The following UXS1 variants were observed in gnomAD, a reference collection of about 807,000 sequenced individuals.
UXS1 encodes the protein UDP-glucuronate decarboxylase 1.
In UXS1, 33 loss-of-function variants were observed where a neutral mutation model predicts 62.6. The observed-to-expected ratio is 0.53, with a 90% CI of 0.40 to 0.70. UXS1 has a LOEUF of 0.70. Ranked by LOEUF, UXS1 falls within the 30% of genes least tolerant of loss-of-function variation. The pLI, the probability that UXS1 is intolerant of heterozygous loss-of-function variation, is 0.00. For missense variants in UXS1, 434 were observed against 556.3 expected (o/e 0.78, Z 2.21); for synonymous variants, 213 against 206.8 (o/e 1.03, Z -0.26).
rs1399399000 is a variant in UXS1 at position 106,163,722 on chromosome 2, A to G, written c.187-12T>C. 4 of 1,419,192 alleles carry G rather than the reference A, an allele frequency of 2.8e-6. No individual in the cohort carries two copies. Among genetic ancestry groups the G allele is most frequent in the Non-Finnish European group, 3.7e-6 (4 of 1,076,002 alleles). The allele number at this position is 1,419,192 out of a possible 1,614,324, so 87.9% of individuals were successfully genotyped here. A position where few individuals can be genotyped will look rare whatever the true frequency, so the allele number is the denominator to read the frequency against. ...AGTGGTTCAACCATCTAGAACAATA[A>G]TAACAAAAATCAGTTTTAAAGCAAA... On this transcript the variant is annotated splice_polypyrimidine_tract_variant and intron_variant, in intron 3 of 14. Transcript: ENST00000283148.
At chr2:106,187,253 A>ACAGG (rs771982650) in intron 1 of UXS1, among the ~76,000 whole-genome samples, 45 of 152,280 alleles carry the variant, frequency 3.0e-4, no homozygotes, top group Non-Finnish European at 4.6e-4. Flanking sequence ...TCAGGCTCCT[A>ACAGG]CAGGCCTAGG....
At chr2:106,102,169 A>C (rs1338530781) in intron 11 of UXS1, 3 of 152,264 alleles carry the variant, frequency 2.0e-5, no homozygotes, top group Non-Finnish European at 2.9e-5. Flanking sequence ...AGGATCAAGC[A>C]CAAATGCAAA....
chr2:106,165,836 G>A (rs1395068340), intron 2 of UXS1, among the ~76,000 whole-genome samples: 1 of 152,026 alleles, frequency 6.6e-6, no homozygotes, highest in Non-Finnish European at 1.5e-5. Context: ...GCCGACCATT[G>A]TTTTACTTGT....
At chr2:106,168,440 C>T (rs1269103989) in intron 1 of UXS1, among the ~76,000 whole-genome samples, 1 of 152,210 alleles carries the variant, frequency 6.6e-6, no homozygotes, top group Non-Finnish European at 1.5e-5. Context: ...GCCCTCAGAA[C>T]TGACCTCTCT....
intron 8 of UXS1, among the ~76,000 whole-genome samples, chr2:106,125,135 C>A (rs1420448626): frequency 1.3e-5 from 2 of 152,138 alleles, no homozygotes; most frequent in Non-Finnish European, 2.9e-5. Flanking sequence ...CGTGGGTGTT[C>A]TGACACTACC....
At chr2:106,119,133 C>T (rs1222065760) in intron 9 of UXS1, among the ~76,000 whole-genome samples, 1 of 152,186 alleles carries the variant, frequency 6.6e-6, no homozygotes, top group Non-Finnish European at 1.5e-5. Flanking sequence ...GCTGAATCTC[C>T]CAGCTGAGAG....
At chr2:106,179,773 T>A (rs1176548188) in intron 1 of UXS1, among the ~76,000 whole-genome samples, 2 of 152,234 alleles carry the variant, frequency 1.3e-5, no homozygotes, top group Admixed American at 6.5e-5. Flanking sequence ...CAATGAGTTC[T>A]GTGCAACCAT....
Position 106,101,045 on chromosome 2 carries a change from G to C in UXS1, c.984+13C>G. The C allele has an allele frequency of 1.9e-6, 3 of 1,613,912 alleles. No individual in the cohort carries two copies. The highest frequency in any genetic ancestry group is 2.5e-6 in the Non-Finnish European group (3 of 1,179,864). Reference sequence around the variant, plus strand: ...TGAGCTGTCCTGCAGAGTGGAGGGAGAGGAGCACTCACCAGGTTGACCGGG... The same window carrying C: ...TGAGCTGTCCTGCAGAGTGGAGGGACAGGAGCACTCACCAGGTTGACCGGG... On this transcript the variant is annotated intron_variant, in intron 12 of 14. Coordinates refer to ENST00000283148, the MANE Select transcript of UXS1 (RefSeq NM_001253875.2).
Position 106,194,256 on chromosome 2 carries a change from C to G in UXS1, c.-15G>C, listed in dbSNP as rs1024065976. 9 of 1,366,976 alleles carry G rather than the reference C, an allele frequency of 6.6e-6. No homozygotes were observed. Among genetic ancestry groups the G allele is most frequent in the Non-Finnish European group, 6.7e-6 (7 of 1,046,748 alleles). 84.7% of individuals were successfully genotyped at this position (1,366,976 alleles called of 1,614,324 possible). On this transcript the variant is annotated 5_prime_UTR_variant, in exon 1 of 15. Coordinates refer to ENST00000283148, the MANE Select transcript of UXS1 (RefSeq NM_001253875.2). ...TTGCTCACCATCCCCGGGAGCCGCG[C>G]GGGTCCAGGGCCCTACCGCGCGGGG...
At chr2:106,152,187 C>T (rs1197351202) in intron 5 of UXS1, among the ~76,000 whole-genome samples, 1 of 152,136 alleles carries the variant, frequency 6.6e-6, no homozygotes, top group Non-Finnish European at 1.5e-5. Flanking sequence ...AACATGTATT[C>T]AAGAAAATAT....
intron 2 of UXS1, among the ~76,000 whole-genome samples, chr2:106,165,168 T>A (rs537787442): frequency 6.6e-6 from 1 of 152,340 alleles, no homozygotes; most frequent in South Asian, 2.1e-4. Context: ...TGGAGTCTTT[T>A]AAGTAAAACC....
At chr2:106,111,768 CT>C (rs1254067291) in intron 10 of UXS1, among the ~76,000 whole-genome samples, 2 of 152,224 alleles carry the variant, frequency 1.3e-5, no homozygotes, top group Non-Finnish European at 2.9e-5. Flanking sequence ...ATTCTTCCCC[CT>C]GGAATACACT....
chr2:106,119,229 C>G (rs538116603), intron 9 of UXS1, among the ~76,000 whole-genome samples: 1 of 152,302 alleles, frequency 6.6e-6, no homozygotes, highest in Admixed American at 6.5e-5. Flanking sequence ...GGAGCCTTGG[C>G]GCCTTTGGAC....
chr2:106,112,189 G>A (rs1343415008), intron 10 of UXS1, among the ~76,000 whole-genome samples: 1 of 152,222 alleles, frequency 6.6e-6, no homozygotes, highest in Non-Finnish European at 1.5e-5. Flanking sequence ...GTCTCCCTGG[G>A]TTGAGGGTGG....
chr2:106,166,273 T>G (rs566772114), intron 1 of UXS1, 190 bp from the exon 2 acceptor site: 2 of 575,238 alleles, frequency 3.5e-6, no homozygotes, highest in Non-Finnish European at 5.9e-6. Context: ...AACAGGATCG[T>G]AGAGTTTATT....
Position 106,192,422 on chromosome 2 carries a change from C to T in UXS1, c.94+1726G>A, listed in dbSNP as rs372815319. Among the ~76,000 whole-genome samples the T allele has an allele frequency of 2.0e-5, 3 of 152,068 alleles. No homozygotes were observed. In the East Asian group the frequency reaches 5.8e-4, roughly 29 times the overall value. Reference sequence around the variant, plus strand: ...ACAAAAAATTAGCCGGGCGTGGTGGCGGGTGCCTGTAGTCCCAGTTACTTG... The same window carrying T: ...ACAAAAAATTAGCCGGGCGTGGTGGTGGGTGCCTGTAGTCCCAGTTACTTG... On this transcript the variant is annotated intron_variant, in intron 1 of 14. Coordinates refer to ENST00000283148, the MANE Select transcript of UXS1 (RefSeq NM_001253875.2).
At chr2:106,138,828 C>G (rs1680867653) in intron 6 of UXS1, 1 of 985,364 alleles carries the variant, frequency 1.0e-6, no homozygotes, top group Non-Finnish European at 1.2e-6. Context: ...ACCCCCCTCT[C>G]CTTTGAGAAT....
At chr2:106,107,257 T>C (rs1678164316) in intron 10 of UXS1, among the ~76,000 whole-genome samples, 1 of 152,232 alleles carries the variant, frequency 6.6e-6, no homozygotes, top group Admixed American at 6.5e-5. Flanking sequence ...ACCAGTCTGC[T>C]AGTGCATTCC....
At chr2:106,094,281 AAC>A (rs1676901617) in intron 14 of UXS1, 124 bp from the exon 15 acceptor site, 1 of 571,698 alleles carries the variant, frequency 1.7e-6, no homozygotes, top group East Asian at 5.2e-5. Flanking sequence ...CCTTCAGAGG[AAC>A]ACTCACAGAA....
Sources: gnomAD v4.1 joint callset for allele counts (sites outside exome capture counted in the v4.1 genomes callset) on GRCh38, gnomAD v4.1.1 for gene constraint, MANE v1.5 for transcripts, NCBI Gene and HGNC (gene_info 2026-07-23, HGNC 2026-07-21) for gene names.